Variants in SORCS2 observed in about 807,000 individuals in gnomAD.
The protein encoded by SORCS2 is sortilin related VPS10 domain containing receptor 2.
Under a neutral mutation model 141.6 loss-of-function variants are expected in SORCS2, and 100 were observed. That is an observed-to-expected ratio of 0.71 (90% CI 0.60 to 0.83). SORCS2 has a LOEUF of 0.83. Among genes scored for constraint, SORCS2 ranks in the 40% least tolerant of loss-of-function variants. The pLI is 0.00. For synonymous variants in SORCS2, 789 were observed against 676.9 expected (o/e 1.17, Z -2.57); for missense variants, 1,646 against 1,560.2 (o/e 1.05, Z -0.93).
chr4:7,731,865 T>C (rs1469424142), intron 23 of SORCS2, among the ~76,000 whole-genome samples: 1 of 152,054 alleles, frequency 6.6e-6, no homozygotes, highest in African/African-American at 2.4e-5. Flanking sequence ...AAAGAAAACA[T>C]AGTGAAAAAC....
chr4:7,591,417 C>G (rs376069685), intron 3 of SORCS2, among the ~76,000 whole-genome samples: 24 of 152,288 alleles, frequency 1.6e-4, no homozygotes, highest in African/African-American at 5.5e-4. Context: ...CCCCTGCGAG[C>G]TCCATCAGGC....
rs1726994192 is a variant in SORCS2 at position 7,193,656 on chromosome 4, C to T, written c.480+530C>T. Among the ~76,000 whole-genome samples, 1 of 152,206 alleles carries T rather than the reference C, an allele frequency of 6.6e-6. No individual in the cohort carries two copies. The highest frequency in any genetic ancestry group is 1.5e-5 in the Non-Finnish European group (1 of 68,030). On this transcript the variant is annotated intron_variant, in intron 1 of 26. Transcript: ENST00000507866. The surrounding 1 kb of genome is among the most constrained non-coding windows in gnomAD (Gnocchi z 4.8). ...GGACTCTGGGATTTCTGGGTTACCC[C>T]TCTCCCCGGGGTACTCTAGTGCGAC...
At chr4:7,261,400 G>A (rs947466900) in intron 1 of SORCS2, among the ~76,000 whole-genome samples, 7 of 152,204 alleles carry the variant, frequency 4.6e-5, no homozygotes, top group African/African-American at 1.7e-4. Context: ...ATTAGTAAAT[G>A]TGCTGTTTGT....
rs372090811 is a variant in SORCS2 at position 7,270,338 on chromosome 4, TC to T, written c.480+77216del. On this transcript the variant is annotated intron_variant, in intron 1 of 26. Transcript: ENST00000507866. Reference sequence around the variant, plus strand: ...CCAGAAATAAACGTCAAGTGGCAGCTCCCCACGGCTGCGTTCACCCTTGCAG... The same window carrying T: ...CCAGAAATAAACGTCAAGTGGCAGCTCCCACGGCTGCGTTCACCCTTGCAG... 5.1e-4 allele frequency among the ~76,000 whole-genome samples: 78 copies of T among 152,344 alleles called. No individual in the cohort carries two copies. The East Asian group carries it at 0.01, about 20-fold the overall frequency.
At chr4:7,550,225 C>A (rs1713590634) in intron 3 of SORCS2, among the ~76,000 whole-genome samples, 1 of 151,890 alleles carries the variant, frequency 6.6e-6, no homozygotes, top group African/African-American at 2.4e-5. Context: ...TGCCTGTGAA[C>A]CGCCCTGAGA....
intron 1 of SORCS2, among the ~76,000 whole-genome samples, chr4:7,205,941 G>A (rs1342155755): frequency 6.6e-6 from 1 of 152,178 alleles, no homozygotes; most frequent in Non-Finnish European, 1.5e-5. Flanking sequence ...AGCTACCCGG[G>A]AGGCTGAGGC....
rs997656360 is a variant in SORCS2, at chr4:7,286,800, G to A, written c.480+93674G>A. On this transcript the variant is annotated intron_variant, in intron 1 of 26. Coordinates refer to ENST00000507866, the MANE Select transcript of SORCS2 (RefSeq NM_020777.3). The surrounding 1 kb of genome is among the most constrained non-coding windows in gnomAD (Gnocchi z 4.1). ...CTGAGGCAGACTGGGAGGCGTCTTG[G>A]GTCCCAGACCGTGGAACCTGGGTGC... Among the ~76,000 whole-genome samples the A allele has an allele frequency of 1.3e-5, 2 of 152,210 alleles. No homozygotes were observed. The highest frequency in any genetic ancestry group is 4.8e-5 in the African/African-American group (2 of 41,456).
chr4:7,215,297 G>A (rs1421517576), intron 1 of SORCS2, among the ~76,000 whole-genome samples: 1 of 152,234 alleles, frequency 6.6e-6, no homozygotes, highest in Middle Eastern at 3.2e-3. Context: ...AGGGTGTACT[G>A]GGTCCCCCAG....
At chr4:7,426,446 G>A (rs984646389) in intron 2 of SORCS2, among the ~76,000 whole-genome samples, 2 of 152,218 alleles carry the variant, frequency 1.3e-5, no homozygotes, top group African/African-American at 4.8e-5. Flanking sequence ...AGTGTTGTAG[G>A]CCAGGTGTGG....
chr4:7,367,103 G>A (rs762228933), intron 1 of SORCS2, among the ~76,000 whole-genome samples: 2 of 152,150 alleles, frequency 1.3e-5, no homozygotes, highest in Non-Finnish European at 2.9e-5. Flanking sequence ...TCCCCAAAGG[G>A]GAGCCCCGTG....
chr4:7,703,252 C>T, intron 12 of SORCS2, 28 bp from the exon 13 acceptor site: 1 of 1,583,286 alleles, frequency 6.3e-7, no homozygotes, highest in South Asian at 1.2e-5. Flanking sequence ...TCAGGCCCTG[C>T]CCTCAGCCAC....
chr4:7,619,366 G>C (rs1718991793), intron 3 of SORCS2, among the ~76,000 whole-genome samples: 1 of 152,196 alleles, frequency 6.6e-6, no homozygotes, highest in Non-Finnish European at 1.5e-5. Context: ...AGTCCAGGGA[G>C]CAGAGGGCTT....
At chr4:7,700,451 C>A (rs370871183) in intron 12 of SORCS2, among the ~76,000 whole-genome samples, 94 of 152,260 alleles carry the variant, frequency 6.2e-4, no homozygotes, top group African/African-American at 2.2e-3. Flanking sequence ...ATGCTGGCAT[C>A]CCCAACAGAG....
intron 2 of SORCS2, chr4:7,435,075 C>T (rs1727207610): frequency 1.6e-6 from 1 of 610,896 alleles, no homozygotes; most frequent in Admixed American, 3.3e-5. Context: ...AACACTATCC[C>T]TCCCCTCTTT....
chr4:7,526,586 G>A (rs1289570551), intron 2 of SORCS2, among the ~76,000 whole-genome samples: 1 of 152,082 alleles, frequency 6.6e-6, no homozygotes, highest in Admixed American at 6.5e-5. Flanking sequence ...TACCACAGTT[G>A]GGGGGGCCCT....
chr4:7,636,030 G>T (rs762002922), intron 3 of SORCS2, among the ~76,000 whole-genome samples: 6 of 152,150 alleles, frequency 3.9e-5, no homozygotes, highest in Non-Finnish European at 5.9e-5. Context: ...GATATTTTGG[G>T]GTCTAGCAAG....
chr4:7,342,614 C>T (rs780675946), intron 1 of SORCS2, among the ~76,000 whole-genome samples: 6 of 152,188 alleles, frequency 3.9e-5, no homozygotes, highest in Admixed American at 2.0e-4. Context: ...CCTTGGGGCC[C>T]GGCCTGCTTG....
Position 7,335,017 on chromosome 4 carries a change from A to T in SORCS2, c.481-61271A>T, listed in dbSNP as rs568706738. Among the ~76,000 whole-genome samples, 27 of 152,232 alleles carry T rather than the reference A, an allele frequency of 1.8e-4. 1 individual carries two copies. In the South Asian group the frequency reaches 5.4e-3, roughly 30 times the overall value. On this transcript the variant is annotated intron_variant, in intron 1 of 26. Transcript: ENST00000507866. ...GGACTGAGATGCAGTCGGCTGGGCC[A>T]TGGGCTTTGAACCTGATCTCAGTAG...
intron 2 of SORCS2, among the ~76,000 whole-genome samples, chr4:7,490,427 C>G (rs543732252): frequency 6.6e-6 from 1 of 152,212 alleles, no homozygotes; most frequent in Non-Finnish European, 1.5e-5. Flanking sequence ...CGGAGCTCAA[C>G]CATAAGAAAG....
Sources: gnomAD v4.1 joint callset for allele counts (sites outside exome capture counted in the v4.1 genomes callset) on GRCh38, gnomAD v4.1.1 for gene constraint, Gnocchi (gnomAD v3.1) non-coding constraint, MANE v1.5 for transcripts, NCBI Gene and HGNC (gene_info 2026-07-23, HGNC 2026-07-21) for gene names.